Variants in BCAS1 observed in about 807,000 individuals in gnomAD.
BCAS1 encodes breast carcinoma-amplified sequence 1.
BCAS1 carries 46 observed loss-of-function variants against 65.4 expected under a neutral mutation model. The ratio of observed to expected loss-of-function variants is 0.70; its 90% CI spans 0.55 to 0.90. The LOEUF is 0.90. Among genes scored for constraint, BCAS1 ranks in the 40% least tolerant of loss-of-function variants. The probability of loss-of-function intolerance (pLI) is 0.00; values close to 1 mark genes in which losing one functional copy is unlikely to be tolerated. For missense variants in BCAS1, 793 were observed against 771.2 expected, an observed-to-expected ratio of 1.03 and a Z score of -0.33; for synonymous variants, 298 against 293.5, an observed-to-expected ratio of 1.02 and a Z score of -0.16.
chr20:53,980,838 G>A (rs1477510138), intron 8 of BCAS1, among the ~76,000 whole-genome samples: 1 of 152,190 alleles, frequency 6.6e-6, no homozygotes, highest in African/African-American at 2.4e-5. Context: ...CTATATAACA[G>A]GAAGCCTGGA....
chr20:53,954,719 G>C (rs2089648594), intron 11 of BCAS1, among the ~76,000 whole-genome samples: 1 of 152,110 alleles, frequency 6.6e-6, no homozygotes, highest in Non-Finnish European at 1.5e-5. Context: ...AGCTGCAAAA[G>C]CAACAAAGGT....
chr20:54,029,072 T>C, intron 3 of BCAS1, 100 bp from the exon 4 acceptor site: 3 of 1,465,146 alleles, frequency 2.0e-6, no homozygotes, highest in Non-Finnish European at 2.7e-6. Flanking sequence ...CCATACTGCA[T>C]ACTGGAACTG....
At chr20:54,035,726 A>G (rs904867875) in intron 3 of BCAS1, among the ~76,000 whole-genome samples, 2 of 151,264 alleles carry the variant, frequency 1.3e-5, no homozygotes, top group African/African-American at 4.8e-5. Flanking sequence ...AAAAATAGAA[A>G]TCATTCTTTT....
intron 12 of BCAS1, among the ~76,000 whole-genome samples, chr20:53,946,007 C>T (rs2089303755): frequency 6.6e-6 from 1 of 152,034 alleles, no homozygotes; most frequent in Admixed American, 6.6e-5. Flanking sequence ...CTGCTGGGCT[C>T]ATGTGATCCT....
chr20:54,066,068 A>ATTTT (rs1051455563), intron 1 of BCAS1, among the ~76,000 whole-genome samples: 2 of 146,030 alleles, frequency 1.4e-5, no homozygotes, highest in Non-Finnish European at 3.0e-5. Context: ...TGAGGCAGGT[A>ATTTT]TTTTTTTTCT....
intron 3 of BCAS1, among the ~76,000 whole-genome samples, chr20:54,034,622 AG>A (rs2091864140): frequency 1.3e-5 from 2 of 151,408 alleles, no homozygotes; most frequent in African/African-American, 4.8e-5. Context: ...CAGCGCTCAA[AG>A]AAATTAGAGA....
intron 4 of BCAS1, among the ~76,000 whole-genome samples, chr20:54,000,798 C>T (rs1440796723): frequency 1.3e-5 from 2 of 152,286 alleles, no homozygotes; most frequent in East Asian, 1.9e-4. Context: ...TTTTACCTCA[C>T]ACACTGTAGT....
rs372098115 is a variant in BCAS1 at position 54,062,974 on chromosome 20, C to T, written c.-5-4251G>A. Among the ~76,000 whole-genome samples the T allele has an allele frequency of 8.5e-5, 13 of 152,316 alleles. 2 individuals carry two copies. The highest frequency in any genetic ancestry group is 3.9e-4 in the East Asian group (2 of 5,194). On this transcript the variant is annotated intron_variant, in intron 1 of 12. Coordinates refer to ENST00000688948, the MANE Select transcript of BCAS1 (RefSeq NM_001366298.2). ...ATGTCAATATTAGCAGAAATGAATT[C>T]AGCCTACAGGACTAGGTCCAAACAA...
chr20:53,995,811 C>A (rs1328071586), intron 5 of BCAS1, 81 bp downstream of exon 5: 1 of 1,398,346 alleles, frequency 7.2e-7, no homozygotes, highest in Non-Finnish European at 9.7e-7. Context: ...AGTACAATAA[C>A]ATTCAAATGT....
At chr20:53,946,296 C>T (rs6022866) in intron 12 of BCAS1, among the ~76,000 whole-genome samples, 10 of 151,700 alleles carry the variant, frequency 6.6e-5, no homozygotes, top group Non-Finnish European at 1.3e-4. Flanking sequence ...TGGCAAGCAC[C>T]GATCTGTTTT....
intron 9 of BCAS1, among the ~76,000 whole-genome samples, chr20:53,968,680 TG>T (rs982984388): frequency 5.9e-5 from 9 of 152,192 alleles, no homozygotes; most frequent in Non-Finnish European, 2.9e-5. Context: ...AAACGGAAGT[TG>T]GGGGGTTACA....
intron 4 of BCAS1, among the ~76,000 whole-genome samples, chr20:54,025,074 C>T (rs971117507): frequency 3.3e-5 from 5 of 152,078 alleles, no homozygotes; most frequent in Admixed American, 2.0e-4. Context: ...GCGAAAGTAA[C>T]GATTGCAGGA....
In BCAS1 at chr20:54,028,436, C is replaced by T. The variant is rs1281387425; in HGVS notation, c.679G>A (p.Val227Ile). 3 of 1,614,128 alleles carry T rather than the reference C, an allele frequency of 1.9e-6. No individual in the cohort carries two copies. Among genetic ancestry groups the T allele is most frequent in the Non-Finnish European group, 2.5e-6 (3 of 1,180,054 alleles). ...RAEHQDKVDE[V>I]PGLSGQSDDV... is the part of the protein sequence containing the mutation. Reference sequence around the variant, plus strand: ...TCGGACTGCCCTGATAAGCCAGGAACCTCATCCACCTTGTCTTGATGCTCT... The same window carrying T: ...TCGGACTGCCCTGATAAGCCAGGAATCTCATCCACCTTGTCTTGATGCTCT... The change falls in exon 4 of 13, where the codon GTT becomes ATT. Residue 227 changes from valine (V) to isoleucine (I), a missense_variant. By Grantham distance (29) the Val-to-Ile change is conservative. Coordinates refer to ENST00000688948, the MANE Select transcript of BCAS1 (RefSeq NM_001366298.2).
chr20:54,058,175 T>C (rs1323429573), intron 2 of BCAS1, 21 bp from the exon 3 acceptor site: 6 of 1,611,074 alleles, frequency 3.7e-6, no homozygotes, highest in South Asian at 2.2e-5. Context: ...GCACGTGGCA[T>C]TGTGAGACAA....
chr20:54,018,945 T>C (rs749986749), intron 4 of BCAS1, among the ~76,000 whole-genome samples: 14 of 152,206 alleles, frequency 9.2e-5, no homozygotes, highest in Non-Finnish European at 1.6e-4. Context: ...AGGGCAAAAC[T>C]ACCCATTATG....
chr20:54,049,178 T>C (rs1568920540), intron 3 of BCAS1, among the ~76,000 whole-genome samples: 1 of 152,198 alleles, frequency 6.6e-6, no homozygotes, highest in Non-Finnish European at 1.5e-5. Flanking sequence ...AAGTTAGAAT[T>C]TTCAATCCAA....
intron 3 of BCAS1, among the ~76,000 whole-genome samples, chr20:54,043,077 G>C (rs1486112357): frequency 2.6e-5 from 4 of 152,204 alleles, no homozygotes; most frequent in African/African-American, 7.2e-5. Context: ...GAGGACTCAT[G>C]AATTAACCAC....
chr20:54,064,373 C>T (rs568115640), intron 1 of BCAS1, among the ~76,000 whole-genome samples: 97 of 152,344 alleles, frequency 6.4e-4, no homozygotes, highest in African/African-American at 2.1e-3. Context: ...ACCAAACCCA[C>T]GGATTCTCAG....
chr20:53,961,281 T>C (rs969909451), intron 10 of BCAS1, among the ~76,000 whole-genome samples: 6 of 152,216 alleles, frequency 3.9e-5, no homozygotes, highest in African/African-American at 1.4e-4. Flanking sequence ...ACAATTGACA[T>C]TTAAAAGAAA....
Sources: gnomAD v4.1 joint callset for allele counts (sites outside exome capture counted in the v4.1 genomes callset) on GRCh38, gnomAD v4.1.1 for gene constraint, MANE v1.5 for transcripts, NCBI Gene and HGNC (gene_info 2026-07-23, HGNC 2026-07-21) for gene names.